Variants in NRXN3 observed in about 807,000 individuals in gnomAD.
NRXN3 encodes the protein neurexin 3.
Under a neutral mutation model 137.6 loss-of-function variants are expected in NRXN3, and 32 were observed. That is an observed-to-expected ratio of 0.23 (90% CI 0.18 to 0.31). The LOEUF (loss-of-function observed/expected upper bound fraction) is 0.31. Among genes scored for constraint, NRXN3 ranks in the 10% least tolerant of loss-of-function variants. NRXN3 has a pLI of 1.00. For synonymous variants in NRXN3, 798 were observed against 784.5 expected (o/e 1.02, Z -0.29); for missense variants, 1,574 against 2,062.5 (o/e 0.76, Z 4.59).
At chr14:79,694,682 A>G (rs1471355872) in intron 18 of NRXN3, among the ~76,000 whole-genome samples, 1 of 151,956 alleles carries the variant, frequency 6.6e-6, no homozygotes, top group Admixed American at 6.6e-5. Flanking sequence ...CACATTCTTC[A>G]TAGGGAATGA....
At chr14:78,748,050 A>G (rs1310855502) in intron 8 of NRXN3, among the ~76,000 whole-genome samples, 1 of 152,196 alleles carries the variant, frequency 6.6e-6, no homozygotes, top group Non-Finnish European at 1.5e-5. Context: ...CATGAGGGGT[A>G]TTATGTATCT....
intron 10 of NRXN3, among the ~76,000 whole-genome samples, chr14:78,914,932 A>G (rs1315276099): frequency 2.6e-5 from 4 of 152,178 alleles, no homozygotes; most frequent in Middle Eastern, 3.2e-3. Flanking sequence ...AATTTGTTCA[A>G]GTAAGCCTCT....
chr14:79,642,753 G>A (rs1308438147), intron 16 of NRXN3, among the ~76,000 whole-genome samples: 2 of 135,136 alleles, frequency 1.5e-5, no homozygotes, highest in African/African-American at 4.9e-5. Flanking sequence ...CCCTGTTCAC[G>A]CCATTCTCCT....
intron 8 of NRXN3, chr14:78,745,122 A>C (rs1045713907): frequency 1.3e-5 from 2 of 152,238 alleles, no homozygotes; most frequent in Admixed American, 1.3e-4. Context: ...TTGCACTTGT[A>C]CTTTTCCTTT....
At chr14:79,046,843 T>C (rs1318881798) in intron 15 of NRXN3, among the ~76,000 whole-genome samples, 1 of 152,214 alleles carries the variant, frequency 6.6e-6, no homozygotes, top group East Asian at 1.9e-4. Context: ...TGAACCAGGT[T>C]GTTTATATTA....
chr14:79,166,773 G>A (rs2061323307), intron 15 of NRXN3, among the ~76,000 whole-genome samples: 1 of 151,800 alleles, frequency 6.6e-6, no homozygotes, highest in Non-Finnish European at 1.5e-5. Flanking sequence ...TTAGTAAAGT[G>A]TAGGACTTTG....
intron 16 of NRXN3, among the ~76,000 whole-genome samples, chr14:79,492,530 G>A (rs547562231): frequency 5.3e-4 from 81 of 152,026 alleles, no homozygotes; most frequent in Middle Eastern, 3.4e-3. Flanking sequence ...TTACAGGCAC[G>A]TGCTACCATG....
chr14:78,577,569 G>A (rs776530512), intron 4 of NRXN3, among the ~76,000 whole-genome samples: 19 of 152,168 alleles, frequency 1.2e-4, no homozygotes, highest in African/African-American at 3.9e-4. Flanking sequence ...AGGTTCAAGC[G>A]ATCCTCCTGC....
chr14:78,485,057 G>T (rs977879272), intron 4 of NRXN3, among the ~76,000 whole-genome samples: 1 of 152,128 alleles, frequency 6.6e-6, no homozygotes, highest in Non-Finnish European at 1.5e-5. Context: ...ATGTTACTGT[G>T]TCAAAGCTCC....
rs552679421 is a variant in NRXN3, at chr14:79,264,141, G to T, written c.3263-203080G>T. On this transcript the variant is annotated intron_variant, in intron 15 of 20. Transcript: ENST00000335750. ...CTTGCTCTGTTGCCCAGGCTAGAGTGCAGTGGTGACTCACATGGCTCACTG... is the reference window on the plus strand; with the variant it reads ...CTTGCTCTGTTGCCCAGGCTAGAGTTCAGTGGTGACTCACATGGCTCACTG... Among the ~76,000 whole-genome samples the T allele has an allele frequency of 2.0e-5, 3 of 152,226 alleles. No individual in the cohort carries two copies. In the East Asian group the frequency reaches 5.8e-4, roughly 29 times the overall value.
chr14:79,001,220 AC>A (rs2099540810), intron 15 of NRXN3, among the ~76,000 whole-genome samples: 1 of 152,180 alleles, frequency 6.6e-6, no homozygotes. Context: ...ACAGTCCTTG[AC>A]AGTCTTTGAG....
intron 15 of NRXN3, among the ~76,000 whole-genome samples, chr14:79,375,352 G>T (rs1343938383): frequency 2.2e-5 from 3 of 133,894 alleles, no homozygotes; most frequent in Non-Finnish European, 4.6e-5. Flanking sequence ...GACTTTAAAT[G>T]AATGCATTGT....
chr14:79,336,809 CA>C (rs757240835), intron 15 of NRXN3, among the ~76,000 whole-genome samples: 59 of 152,306 alleles, frequency 3.9e-4, no homozygotes, highest in Admixed American at 6.5e-4. Context: ...TCCATCCACA[CA>C]TTCTTACTTT....
chr14:78,936,902 A>C (rs1025324412), intron 10 of NRXN3, among the ~76,000 whole-genome samples: 5 of 152,080 alleles, frequency 3.3e-5, no homozygotes. Flanking sequence ...TGGACTTACT[A>C]ATCTTCAAGG....
At chr14:78,324,175 T>C (rs1317561111) in intron 4 of NRXN3, among the ~76,000 whole-genome samples, 2 of 152,074 alleles carry the variant, frequency 1.3e-5, no homozygotes, top group Admixed American at 6.6e-5. Context: ...TTGGAGCCTG[T>C]CTTTTCATCT....
chr14:79,847,652 A>G (rs888850197), intron 20 of NRXN3, among the ~76,000 whole-genome samples: 1 of 152,194 alleles, frequency 6.6e-6, no homozygotes. Flanking sequence ...ATATTTTATG[A>G]GCTCAGCACT....
chr14:79,811,581 C>CTT (rs370942970), intron 20 of NRXN3, among the ~76,000 whole-genome samples: 3,902 of 116,566 alleles, frequency 0.033, 239 homozygotes, highest in African/African-American at 0.094. Context: ...TTTCTTTTTT[C>CTT]TTTTTTTTTT....
intron 10 of NRXN3, among the ~76,000 whole-genome samples, chr14:78,952,009 G>A (rs2099388044): frequency 1.3e-5 from 2 of 152,194 alleles, no homozygotes. Context: ...TAGAAGCAGG[G>A]GCTCCTGGAG....
chr14:79,082,565 C>CAGATT (rs766658921), intron 15 of NRXN3, among the ~76,000 whole-genome samples: 46 of 152,250 alleles, frequency 3.0e-4, no homozygotes, highest in Admixed American at 7.2e-4. Context: ...AGAGATGTTA[C>CAGATT]AGATTATCTC....
Sources: gnomAD v4.1 joint callset for allele counts (sites outside exome capture counted in the v4.1 genomes callset) on GRCh38, gnomAD v4.1.1 for gene constraint, MANE v1.5 for transcripts, NCBI Gene and HGNC (gene_info 2026-07-23, HGNC 2026-07-21) for gene names.